The following BTBD9 variants were observed in gnomAD, a reference collection of about 807,000 sequenced individuals.
BTBD9 encodes the protein BTB/POZ domain-containing protein 9.
A neutral mutation model predicts 64.3 loss-of-function variants in BTBD9; 49 were observed. The ratio of observed to expected loss-of-function variants is 0.76; its 90% confidence interval spans 0.61 to 0.97. The LOEUF (loss-of-function observed/expected upper bound fraction) is 0.97. BTBD9 is among the 50% of genes least tolerant of loss of function. The pLI, the probability that BTBD9 is intolerant of heterozygous loss-of-function variation, is 0.00. For missense variants in BTBD9, 598 were observed against 762.1 expected (o/e 0.78, Z 2.53); for synonymous variants, 260 against 274.7 (o/e 0.95, Z 0.53).
intron 6 of BTBD9, among the ~76,000 whole-genome samples, chr6:38,374,377 G>A (rs537553278): frequency 4.4e-5 from 6 of 134,880 alleles, no homozygotes; most frequent in African/African-American, 1.7e-4. Context: ...AGACAGCACC[G>A]AAAAGTTACA....
rs766444180 is a variant in BTBD9 at position 38,577,736 on chromosome 6, A to C, written c.1035-17T>G. ...GAGTAAGACCTGTGAATCAAAAGGAAAAAGCAGAAAAAAATTACCACATTA... is the reference window on the plus strand; with the variant it reads ...GAGTAAGACCTGTGAATCAAAAGGACAAAGCAGAAAAAAATTACCACATTA... On this transcript the variant is annotated splice_polypyrimidine_tract_variant and intron_variant, in intron 5 of 10. Coordinates refer to ENST00000481247, the MANE Select transcript of BTBD9 (RefSeq NM_001099272.2). 3.8e-6 allele frequency: 6 copies of C among 1,594,792 alleles called. No individual in the cohort carries two copies. Among genetic ancestry groups the C allele is most frequent in the Admixed American group, 1.8e-5 (1 of 56,516 alleles).
rs1762967575 is a variant in BTBD9 at position 38,314,635 on chromosome 6, C to A, written c.1265-26174G>T. Among the ~76,000 whole-genome samples the A allele has an allele frequency of 1.3e-5, 2 of 151,972 alleles. 1 individual carries two copies. The highest frequency in any genetic ancestry group is 4.1e-4 in the South Asian group (2 of 4,822). On this transcript the variant is annotated intron_variant, in intron 7 of 10. Coordinates refer to ENST00000481247, the MANE Select transcript of BTBD9 (RefSeq NM_001099272.2). ...CTCTTTCTTTTCTTTCTTTGGGAGA[C>A]TTTTTATTACGGCTTCAATCTCGTT... is the stretch of plus-strand genomic sequence containing the variant.
chr6:38,426,118 G>A (rs1358390348), intron 6 of BTBD9, among the ~76,000 whole-genome samples: 1 of 151,936 alleles, frequency 6.6e-6, no homozygotes, highest in Non-Finnish European at 1.5e-5. Context: ...CCCAGGGGAT[G>A]CAGTAATTAA....
chr6:38,433,312 T>C (rs982049458), intron 6 of BTBD9, among the ~76,000 whole-genome samples: 4 of 151,968 alleles, frequency 2.6e-5, no homozygotes, highest in African/African-American at 9.7e-5. Flanking sequence ...CCCTCTACTG[T>C]CAGGCCTCTG....
At chr6:38,508,098 G>A (rs1772619114) in intron 6 of BTBD9, among the ~76,000 whole-genome samples, 1 of 152,096 alleles carries the variant, frequency 6.6e-6, no homozygotes, top group Non-Finnish European at 1.5e-5. Flanking sequence ...CTCCCAAAGT[G>A]CTGGGATTAC....
chr6:38,342,347 C>T (rs1764134874), intron 7 of BTBD9, among the ~76,000 whole-genome samples: 1 of 151,756 alleles, frequency 6.6e-6, no homozygotes, highest in African/African-American at 2.4e-5. Context: ...ACCAGCCTGA[C>T]CAACATGGCG....
At chr6:38,325,639 C>T (rs1016039496) in intron 7 of BTBD9, among the ~76,000 whole-genome samples, 38 of 152,116 alleles carry the variant, frequency 2.5e-4, no homozygotes, top group Admixed American at 8.5e-4. Context: ...GAGCCAAGAT[C>T]GTGCCACTGC....
intron 7 of BTBD9, among the ~76,000 whole-genome samples, chr6:38,326,335 C>T (rs1763426350): frequency 6.6e-6 from 1 of 152,148 alleles, no homozygotes; most frequent in African/African-American, 2.4e-5. Flanking sequence ...AATATGCAGG[C>T]ATCATACCAT....
rs1258100107 is a variant in BTBD9 at position 38,492,177 on chromosome 6, T to C, written c.1154+85423A>G. Among the ~76,000 whole-genome samples, 3 of 152,174 alleles carry C rather than the reference T, an allele frequency of 2.0e-5. 1 individual carries two copies. The South Asian group carries it at 6.2e-4, about 32-fold the overall frequency. On this transcript the variant is annotated intron_variant, in intron 6 of 10. Transcript: ENST00000481247. ...AGGCCAGCCTTTCCATCCAAAGGCC[T>C]CTCCTGGGATCTCGGTTCACAGTCT...
intron 6 of BTBD9, among the ~76,000 whole-genome samples, chr6:38,419,957 G>A (rs1206651073): frequency 6.6e-6 from 1 of 151,962 alleles, no homozygotes; most frequent in Admixed American, 6.6e-5. Flanking sequence ...AACTAAATGT[G>A]TAACAACAAG....
intron 9 of BTBD9, among the ~76,000 whole-genome samples, chr6:38,195,702 C>T (rs1168480180): frequency 1.3e-5 from 2 of 151,868 alleles, no homozygotes; most frequent in Non-Finnish European, 2.9e-5. Flanking sequence ...TATACACATA[C>T]GTATTATTTT....
intron 6 of BTBD9, among the ~76,000 whole-genome samples, chr6:38,366,448 C>T (rs1033694878): frequency 6.6e-6 from 1 of 152,154 alleles, no homozygotes; most frequent in African/African-American, 2.4e-5. Flanking sequence ...TCAGCTGACA[C>T]AAGAAGCAGG....
chr6:38,187,634 G>A (rs1395885387), intron 10 of BTBD9, among the ~76,000 whole-genome samples: 1 of 152,144 alleles, frequency 6.6e-6, no homozygotes, highest in Non-Finnish European at 1.5e-5. Context: ...CACAGTGGGG[G>A]GGAGTGAAAG....
At chr6:38,360,117 G>A (rs1764891750) in intron 6 of BTBD9, among the ~76,000 whole-genome samples, 1 of 152,150 alleles carries the variant, frequency 6.6e-6, no homozygotes, top group Non-Finnish European at 1.5e-5. Flanking sequence ...CCCCAATCCA[G>A]ATTAAGTGTG....
chr6:38,297,237 G>A (rs1053304229), intron 7 of BTBD9, among the ~76,000 whole-genome samples: 9 of 151,928 alleles, frequency 5.9e-5, no homozygotes, highest in Non-Finnish European at 1.0e-4. Flanking sequence ...ATGGTGGCGC[G>A]CACCTGTAAT....
chr6:38,374,651 T>C lies in BTBD9; in HGVS notation c.1155-29558A>G, dbSNP rs542877152. Among the ~76,000 whole-genome samples the C allele has an allele frequency of 1.1e-3, 163 of 152,142 alleles. 1 individual carries two copies. Among genetic ancestry groups the C allele is most frequent in the African/African-American group, 3.7e-3 (155 of 41,510 alleles). On this transcript the variant is annotated intron_variant, in intron 6 of 10. Coordinates refer to ENST00000481247, the MANE Select transcript of BTBD9 (RefSeq NM_001099272.2). ...TTATTTGGGGAAAAAAAGTTCTGCA[T>C]ACATTCAGACATTACCCACCTCCCC...
intron 4 of BTBD9, chr6:38,588,291 C>A: frequency 8.9e-7 from 1 of 1,122,642 alleles, no homozygotes; most frequent in Non-Finnish European, 1.4e-6. Flanking sequence ...CCACACAGTA[C>A]CAGGCAAGCA....
At chr6:38,234,296 G>C (rs1763706255) in intron 9 of BTBD9, among the ~76,000 whole-genome samples, 1 of 152,118 alleles carries the variant, frequency 6.6e-6, no homozygotes, top group African/African-American at 2.4e-5. Context: ...CTCACTTTCT[G>C]CAAAGAATAT....
intron 6 of BTBD9, among the ~76,000 whole-genome samples, chr6:38,542,061 TA>T (rs1774305357): frequency 6.6e-6 from 1 of 152,146 alleles, no homozygotes; most frequent in Non-Finnish European, 1.5e-5. Flanking sequence ...GTTATGACTC[TA>T]CAGCTGGACA....
Sources: gnomAD v4.1 joint callset for allele counts (sites outside exome capture counted in the v4.1 genomes callset) on GRCh38, gnomAD v4.1.1 for gene constraint, MANE v1.5 for transcripts, NCBI Gene and HGNC (gene_info 2026-07-23, HGNC 2026-07-21) for gene names.